Variants in TBC1D16 observed in about 807,000 individuals in gnomAD.
The protein encoded by TBC1D16 is CTD-2529O21.1.
Under a neutral mutation model 74.7 loss-of-function variants are expected in TBC1D16, and 58 were observed. That is an observed-to-expected ratio of 0.78 (90% confidence interval 0.63 to 0.97). TBC1D16 has a LOEUF of 0.97. TBC1D16 is among the 50% of genes least tolerant of loss of function. TBC1D16 has a pLI of 0.00. For synonymous variants in TBC1D16, 493 were observed against 474.7 expected (o/e 1.04, Z -0.50); for missense variants, 1,014 against 1,079.5 (o/e 0.94, Z 0.85).
chr17:79,941,066 G>A lies in TBC1D16; in HGVS notation c.2097C>T (p.Ile699=), dbSNP rs746141447. 2 of 1,595,100 alleles carry A rather than the reference G, an allele frequency of 1.3e-6. No homozygotes were observed. The highest frequency in any genetic ancestry group is 1.3e-5 in the African/African-American group (1 of 74,512). The part of the protein sequence containing the change: ...LLYQFRLLPR[I]PCSLHDLCKL... ...TACACAGATCGTGCAGGCTGCAGGG[G>A]ATCCGGGGCAGGAGGCGGAACTGGT... Residue 699 remains isoleucine (I), a synonymous_variant, in exon 12 of 12, where the codon ATC becomes ATT. Transcript: ENST00000310924. The surrounding 1 kb of genome is among the most constrained non-coding windows in gnomAD (Gnocchi z 4.3).
intron 3 of TBC1D16, among the ~76,000 whole-genome samples, chr17:80,002,157 C>T (rs2035514364): frequency 6.6e-6 from 1 of 152,190 alleles, no homozygotes; most frequent in Non-Finnish European, 1.5e-5. Flanking sequence ...GGATGCTTCC[C>T]AGCACTGGGT....
At chr17:80,025,019 C>CCATG (rs2036505713) in intron 1 of TBC1D16, among the ~76,000 whole-genome samples, 4 of 98,840 alleles carry the variant, frequency 4.0e-5, no homozygotes, top group African/African-American at 4.8e-5. Flanking sequence ...CACACACACA[C>CCATG]ACCACAGATG....
Position 79,994,360 on chromosome 17 carries a change from A to G in TBC1D16, c.779+15800T>C, listed in dbSNP as rs922772946. 6.6e-6 allele frequency among the ~76,000 whole-genome samples: 1 copy of G among 152,164 alleles called. No homozygotes were observed. The highest frequency in any genetic ancestry group is 1.5e-5 in the Non-Finnish European group (1 of 68,034). ...CCTCCTAGAGGCTGCCCAACCATCA[A>G]GGACAAAGGAAGAGGGAGTCCATGA... On this transcript the variant is annotated intron_variant, in intron 3 of 11. Transcript: ENST00000310924. This position sits in a 1 kb window ranked among gnomAD's most constrained non-coding sequence, Gnocchi z 4.6.
rs1245151578 is a variant in TBC1D16 at position 79,936,881 on chromosome 17, TGTGTGCATGCGTGC to T, written c.*3964_*3977del. The T allele has an allele frequency of 6.6e-6, 1 of 150,596 alleles. No homozygotes were observed. Among genetic ancestry groups the T allele is most frequent in the Non-Finnish European group, 1.5e-5 (1 of 68,048 alleles). 9.3% of individuals were successfully genotyped at this position (150,596 alleles called of 1,614,324 possible). A position where few individuals can be genotyped will look rare whatever the true frequency, so the allele number is the denominator to read the frequency against. ...GCACCCCTGCACATATGTGTGTGTG[TGTGTGCATGCGTGC>T]GTGTGTGCATGTGCGTGTGTGTGTG... On this transcript the variant is annotated 3_prime_UTR_variant, in exon 12 of 12. Transcript: ENST00000310924.
At chr17:79,976,935 G>A (rs2034355097) in intron 3 of TBC1D16, among the ~76,000 whole-genome samples, 1 of 152,198 alleles carries the variant, frequency 6.6e-6, no homozygotes, top group Non-Finnish European at 1.5e-5. Context: ...GGCCTGCCCT[G>A]CAGAAGGCTA....
In TBC1D16 at chr17:79,981,147, T is replaced by C. The variant is rs2034561933; in HGVS notation, c.780-28329A>G. ...AGCAGTGACGGAAGGACAGAACTTG[T>C]TTAGGCATCGTTTCCTCGCTCCCTC... is the stretch of plus-strand genomic sequence containing the variant. On this transcript the variant is annotated intron_variant, in intron 3 of 11. Transcript: ENST00000310924. The surrounding 1 kb of genome is among the most constrained non-coding windows in gnomAD (Gnocchi z 6.9). Among the ~76,000 whole-genome samples, 1 of 152,194 alleles carries C rather than the reference T, an allele frequency of 6.6e-6. No individual in the cohort carries two copies. The highest frequency in any genetic ancestry group is 1.5e-5 in the Non-Finnish European group (1 of 68,042).
rs1245216698 is a variant in TBC1D16, at chr17:79,986,846, G to A, written c.779+23314C>T. Among the ~76,000 whole-genome samples, 1 of 152,220 alleles carries A rather than the reference G, an allele frequency of 6.6e-6. No homozygotes were observed. The highest frequency in any genetic ancestry group is 1.5e-5 in the Non-Finnish European group (1 of 68,036). ...GATGGGGGTGAACGAGAAGCCTGAG[G>A]CCGGGCCGGTGGGAGGGCGTGATGC... is the stretch of plus-strand genomic sequence containing the variant. On this transcript the variant is annotated intron_variant, in intron 3 of 11. Coordinates refer to ENST00000310924, the MANE Select transcript of TBC1D16 (RefSeq NM_019020.4). The surrounding 1 kb of genome is among the most constrained non-coding windows in gnomAD (Gnocchi z 6.0).
In TBC1D16 at chr17:79,942,156, C is replaced by G; in HGVS notation, c.1959G>C (p.Gly653=). The G allele has an allele frequency of 6.2e-7, 1 of 1,609,740 alleles. No individual in the cohort carries two copies. Among genetic ancestry groups the G allele is most frequent in the Non-Finnish European group, 8.5e-7 (1 of 1,178,514 alleles). The part of the protein sequence containing the change: ...FICVAIVAIY[G]DDVIEQQLAT... ...CCAGCTGCTGCTCGATGACGTCATC[C>G]CCGTAGATGGCCACGATGGCCACGC... The change falls in exon 11 of 12, where the codon GGG becomes GGC. Residue 653 remains glycine (G), a synonymous_variant. Transcript: ENST00000310924.
chr17:80,003,406 G>A (rs527725318), intron 3 of TBC1D16, among the ~76,000 whole-genome samples: 175 of 152,322 alleles, frequency 1.1e-3, no homozygotes, highest in Non-Finnish European at 2.0e-3. Flanking sequence ...TCCCCAGGGG[G>A]AGGCCCCGCT....
At chr17:79,969,244 G>T (rs2033972665) in intron 3 of TBC1D16, among the ~76,000 whole-genome samples, 1 of 151,940 alleles carries the variant, frequency 6.6e-6, no homozygotes, top group Admixed American at 6.6e-5. Context: ...AAATTAGCCG[G>T]GTGTGGTGGT....
In TBC1D16 at chr17:80,025,937, T is replaced by TTCTGC. The variant is rs1018143270; in HGVS notation, c.-63+9853_-63+9857dup. ...CTCCTCACATACAGCACTCTGTACC[T>TTCTGC]TCTGCTCATTTTTCTGTAAACCTAA... On this transcript the variant is annotated intron_variant, in intron 1 of 11. Coordinates refer to ENST00000310924, the MANE Select transcript of TBC1D16 (RefSeq NM_019020.4). 5.3e-5 allele frequency: 8 copies of TTCTGC among 149,816 alleles called. 1 individual carries two copies. The highest frequency in any genetic ancestry group is 2.0e-4 in the African/African-American group (8 of 39,184). 9.3% of individuals were successfully genotyped at this position (149,816 alleles called of 1,614,324 possible). A position where few individuals can be genotyped will look rare whatever the true frequency, so the allele number is the denominator to read the frequency against.
intron 1 of TBC1D16, among the ~76,000 whole-genome samples, chr17:80,021,145 G>A (rs1000463265): frequency 1.3e-5 from 2 of 149,848 alleles, no homozygotes; most frequent in African/African-American, 5.1e-5. Flanking sequence ...CCAGCTACTC[G>A]GGAGGCTGAA....
chr17:79,951,523 T>C lies in TBC1D16; in HGVS notation c.1016A>G (p.His339Arg). Residue 339 changes from histidine (H) to arginine (R), a missense_variant, in exon 5 of 12, where the codon CAC becomes CGC. Physicochemically the swap from His to Arg is conservative, Grantham distance 29. Coordinates refer to ENST00000310924, the MANE Select transcript of TBC1D16 (RefSeq NM_019020.4). ...ESQYKVFHFH[H>R]GGLDKLSDVF... ...GTCAGACAGCTTGTCCAGGCCGCCG[T>C]GGTGGAAGTGGAAAACCTTGTACTG... 2 of 1,613,702 alleles carry C rather than the reference T, an allele frequency of 1.2e-6. No homozygotes were observed. Among genetic ancestry groups the C allele is most frequent in the Non-Finnish European group, 1.7e-6 (2 of 1,179,936 alleles).
At chr17:79,958,755 A>G (rs1220811549) in intron 3 of TBC1D16, among the ~76,000 whole-genome samples, 2 of 152,224 alleles carry the variant, frequency 1.3e-5, no homozygotes, top group Admixed American at 1.3e-4. Flanking sequence ...TCAAGCTGAT[A>G]AAGGCACCCA....
rs116794293 is a variant in TBC1D16 at position 79,971,567 on chromosome 17, A to G, written c.780-18749T>C. On this transcript the variant is annotated intron_variant, in intron 3 of 11. Transcript: ENST00000310924. The surrounding 1 kb of genome is among the most constrained non-coding windows in gnomAD (Gnocchi z 4.6). ...AGGTATCTTCCCATGTTGCTGGTAG[A>G]CACCATTTTGGAATAATGGCTCAGG... Among the ~76,000 whole-genome samples the G allele has an allele frequency of 4.4e-3, 677 of 152,322 alleles. 4 individuals are homozygous for G. The highest frequency in any genetic ancestry group is 0.016 in the African/African-American group (653 of 41,570).
chr17:79,945,533 G>C (rs912628892), intron 9 of TBC1D16, among the ~76,000 whole-genome samples: 1 of 152,206 alleles, frequency 6.6e-6, no homozygotes, highest in Non-Finnish European at 1.5e-5. Flanking sequence ...GCTGTTTTAG[G>C]GCAGGAAGGG....
intron 1 of TBC1D16, 132 bp from the exon 2 acceptor site, chr17:80,013,741 T>C (rs2035988113): frequency 1.8e-6 from 1 of 542,164 alleles, no homozygotes; most frequent in Non-Finnish European, 3.2e-6. Flanking sequence ...AACAGCTCTG[T>C]ACAGGGTAGG....
At position 80,000,234 on chromosome 17, in the gene TBC1D16, T is replaced by C. The variant is rs944030341; in HGVS notation, c.779+9926A>G. On this transcript the variant is annotated intron_variant, in intron 3 of 11. Transcript: ENST00000310924. This position sits in a 1 kb window ranked among gnomAD's most constrained non-coding sequence, Gnocchi z 4.1. ...GAACAGTGCTCCCCCAAGATTCATG[T>C]CCACACAGAAGCTCCCAATGTGACC... is the stretch of plus-strand genomic sequence containing the variant. Among the ~76,000 whole-genome samples, 1 of 152,112 alleles carries C rather than the reference T, an allele frequency of 6.6e-6. No individual in the cohort carries two copies. The highest frequency in any genetic ancestry group is 2.4e-5 in the African/African-American group (1 of 41,418).
chr17:80,011,455 G>T (rs574952608), intron 2 of TBC1D16, among the ~76,000 whole-genome samples: 3 of 152,230 alleles, frequency 2.0e-5, no homozygotes, highest in African/African-American at 7.2e-5. Flanking sequence ...TGAGCCCAGC[G>T]GCCCAGGTGC....
Sources: gnomAD v4.1 joint callset for allele counts (sites outside exome capture counted in the v4.1 genomes callset) on GRCh38, gnomAD v4.1.1 for gene constraint, Gnocchi (gnomAD v3.1) non-coding constraint, MANE v1.5 for transcripts, NCBI Gene and HGNC (gene_info 2026-07-23, HGNC 2026-07-21) for gene names.